The following AHI1 variants were observed in gnomAD, a reference collection of about 807,000 sequenced individuals.
AHI1 encodes the protein jouberin.
In AHI1, 123 loss-of-function variants were observed where a neutral mutation model predicts 149.3. The ratio of observed to expected loss-of-function variants is 0.82; its 90% CI spans 0.71 to 0.96. The LOEUF is 0.96. Among genes scored for constraint, AHI1 ranks in the 40% least tolerant of loss-of-function variants. AHI1 has a pLI of 0.00. For synonymous variants in AHI1, 475 were observed against 459.8 expected, an observed-to-expected ratio of 1.03 and a Z score of -0.42; for missense variants, 1,439 against 1,422.7, an observed-to-expected ratio of 1.01 and a Z score of -0.18.
At chr6:135,305,703 G>A (rs1784458546) in intron 26 of AHI1, among the ~76,000 whole-genome samples, 1 of 152,134 alleles carries the variant, frequency 6.6e-6, no homozygotes, top group Non-Finnish European at 1.5e-5. Context: ...CAACCAATAT[G>A]ATCATGTCAT....
intron 23 of AHI1, among the ~76,000 whole-genome samples, chr6:135,382,554 C>T (rs1776910393): frequency 6.6e-6 from 1 of 152,028 alleles, no homozygotes; most frequent in Non-Finnish European, 1.5e-5. Context: ...CCACAAAATG[C>T]AAAAGTATGC....
chr6:135,450,329 C>A (rs183563812), intron 11 of AHI1, among the ~76,000 whole-genome samples: 15 of 152,180 alleles, frequency 9.9e-5, no homozygotes, highest in Non-Finnish European at 1.3e-4. Flanking sequence ...GTTGGAGAAG[C>A]TTTAGTGGCA....
chr6:135,462,538 GA>G (rs1379611990), intron 8 of AHI1, among the ~76,000 whole-genome samples: 13 of 151,042 alleles, frequency 8.6e-5, no homozygotes, highest in African/African-American at 3.0e-4. Context: ...GTTTAAAGAA[GA>G]AATCCTCTAT....
chr6:135,449,202 C>T (rs1787716465), intron 11 of AHI1, among the ~76,000 whole-genome samples: 1 of 152,076 alleles, frequency 6.6e-6, no homozygotes, highest in Non-Finnish European at 1.5e-5. Context: ...GTGCATGCCA[C>T]CACACCTGGT....
intron 15 of AHI1, among the ~76,000 whole-genome samples, chr6:135,436,664 G>A (rs1230225384): frequency 4.6e-5 from 7 of 152,220 alleles, no homozygotes; most frequent in South Asian, 4.1e-4. Context: ...GTGCAATGGC[G>A]CAATCTCGGC....
At chr6:135,291,047 A>G (rs1001898921) in intron 27 of AHI1, among the ~76,000 whole-genome samples, 2 of 152,198 alleles carry the variant, frequency 1.3e-5, no homozygotes, top group African/African-American at 4.8e-5. Context: ...AGCTTTCCAA[A>G]TGATTCAATG....
chr6:135,457,693 C>CATCTTCATTATT lies in AHI1; in HGVS notation c.940_951dup (p.Asn314_Asp317dup). On this transcript the variant is annotated inframe_insertion, in exon 9 of 29. Coordinates refer to ENST00000265602, the MANE Select transcript of AHI1 (RefSeq NM_001134831.2). ...ATTTCATGAACACCATCACCATCAA[C>CATCTTCATTATT]ATCTTCATTATTATCTGCAACTACA... 1 of 1,613,882 alleles carries CATCTTCATTATT rather than the reference C, an allele frequency of 6.2e-7. No individual in the cohort carries two copies. The highest frequency in any genetic ancestry group is 1.1e-5 in the South Asian group (1 of 91,074).
At chr6:135,442,421 A>G (rs1353683093) in intron 14 of AHI1, among the ~76,000 whole-genome samples, 161 bp downstream of exon 14, 1 of 152,118 alleles carries the variant, frequency 6.6e-6, no homozygotes, top group African/African-American at 2.4e-5. Context: ...GAAAAGTGTA[A>G]AATTATTACA....
chr6:135,291,021 G>A (rs1401235807), intron 27 of AHI1, among the ~76,000 whole-genome samples: 1 of 152,032 alleles, frequency 6.6e-6, no homozygotes, highest in Non-Finnish European at 1.5e-5. Context: ...ATCCTGATCT[G>A]TGGAATGAAC....
chr6:135,297,329 A>G (rs1783230156), intron 27 of AHI1: 3 of 407,248 alleles, frequency 7.4e-6, no homozygotes, highest in Non-Finnish European at 1.5e-5. Context: ...GTCTCCTCCC[A>G]CTCTCTCCCC....
intron 23 of AHI1, among the ~76,000 whole-genome samples, chr6:135,391,625 T>C (rs542441306): frequency 1.3e-3 from 196 of 152,246 alleles, no homozygotes; most frequent in African/African-American, 4.6e-3. Flanking sequence ...TCTGCAAACT[T>C]AGTTCGCCTT....
chr6:135,426,106 T>C (rs1471672215), intron 20 of AHI1, among the ~76,000 whole-genome samples: 2 of 151,770 alleles, frequency 1.3e-5, no homozygotes, highest in Non-Finnish European at 3.0e-5. Context: ...ATGGTGAAAC[T>C]AGACACCAGA....
chr6:135,470,975 A>C (rs1319348846), intron 5 of AHI1, among the ~76,000 whole-genome samples: 1 of 152,176 alleles, frequency 6.6e-6, no homozygotes, highest in Non-Finnish European at 1.5e-5. Context: ...GTTTTTTATG[A>C]CTTTTATTCA....
intron 26 of AHI1, among the ~76,000 whole-genome samples, chr6:135,308,370 G>T (rs1018676868): frequency 6.6e-6 from 1 of 152,004 alleles, no homozygotes; most frequent in African/African-American, 2.4e-5. Flanking sequence ...CAAGCAGCTG[G>T]GACTACAGAT....
At chr6:135,394,616 A>G in intron 23 of AHI1, 160 bp downstream of exon 23, 1 of 1,002,104 alleles carries the variant, frequency 1.0e-6, no homozygotes, top group Non-Finnish European at 1.5e-6. Flanking sequence ...TTTTGAAATA[A>G]CCTTGGTGAT....
At chr6:135,448,695 GCT>G (rs1488727101) in intron 11 of AHI1, among the ~76,000 whole-genome samples, 1 of 152,074 alleles carries the variant, frequency 6.6e-6, no homozygotes, top group Admixed American at 6.6e-5. Flanking sequence ...TTTCCTGATA[GCT>G]CTCTTTTCAC....
chr6:135,496,149 C>T (rs1795936328), intron 2 of AHI1, among the ~76,000 whole-genome samples: 1 of 151,692 alleles, frequency 6.6e-6, no homozygotes, highest in South Asian at 2.1e-4. Flanking sequence ...CAGAGTCTCG[C>T]TCTGTTGCCC....
chr6:135,339,452 A>G (rs1032129224), intron 24 of AHI1, among the ~76,000 whole-genome samples: 1 of 152,234 alleles, frequency 6.6e-6, no homozygotes, highest in African/African-American at 2.4e-5. Flanking sequence ...ATTAAGAGAA[A>G]GTATACATGT....
chr6:135,430,010 T>A lies in AHI1; in HGVS notation c.2374-10A>T, dbSNP rs1338015296. The A allele has an allele frequency of 2.8e-6, 4 of 1,423,554 alleles. No homozygotes were observed. The Admixed American group carries it at 8.7e-5, about 31-fold the overall frequency. The allele number at this position is 1,423,554 out of a possible 1,614,324, so 88.2% of individuals were successfully genotyped here. The stretch of plus-strand genomic sequence containing the variant: ...CAGTTTCTTTAATTTCCTAAAATGA[T>A]TAAAAAAAATACTACTACTGAAAAG... On this transcript the variant is annotated splice_polypyrimidine_tract_variant and intron_variant, in intron 17 of 28. Transcript: ENST00000265602.
Sources: allele counts gnomAD v4.1 joint callset (sites outside exome capture counted in the v4.1 genomes callset), GRCh38; gene constraint gnomAD v4.1.1; transcripts MANE v1.5; gene names NCBI Gene and HGNC (gene_info 2026-07-23, HGNC 2026-07-21).